Variants in RNF168 observed in about 807,000 individuals in gnomAD.
The protein encoded by RNF168 is ring finger protein 168.
In RNF168, 34 loss-of-function variants were observed where a neutral mutation model predicts 34.9. The observed-to-expected ratio is 0.97, with a 90% CI of 0.74 to 1.30. The LOEUF (loss-of-function observed/expected upper bound fraction) is 1.30. Among genes scored for constraint, RNF168 ranks in the 50% most tolerant of loss-of-function variants. The probability of loss-of-function intolerance (pLI) is 0.00; values close to 1 mark genes in which losing one functional copy is unlikely to be tolerated. For missense variants in RNF168, 725 were observed against 682.5 expected (o/e 1.06, Z -0.69); for synonymous variants, 264 against 254.7 (o/e 1.04, Z -0.35).
chr3:196,501,323 C>A (rs960188347), intron 1 of RNF168, among the ~76,000 whole-genome samples: 1 of 152,092 alleles, frequency 6.6e-6, no homozygotes, highest in Non-Finnish European at 1.5e-5. Flanking sequence ...GTGAAAAAAA[C>A]CAATGTCCAG....
At position 196,488,653 on chromosome 3, in the gene RNF168, C is replaced by G; in HGVS notation, c.332G>C (p.Ser111Thr). The G allele has an allele frequency of 6.2e-7, 1 of 1,608,720 alleles. No homozygotes were observed. Among genetic ancestry groups the G allele is most frequent in the Non-Finnish European group, 8.5e-7 (1 of 1,175,648 alleles). ...TTCTCTTCTCAGTTCCCCAGGTTTACTGAGCAGACGAACTGGCTGATAGTC... is the reference window on the plus strand; with the variant it reads ...TTCTCTTCTCAGTTCCCCAGGTTTAGTGAGCAGACGAACTGGCTGATAGTC... ...ADDYQPVRLL[S>T]KPGELRREYE... is the part of the protein sequence containing the mutation. Residue 111 changes from serine to threonine, a missense_variant, in exon 2 of 6, where the codon AGT (serine) becomes ACT (threonine). Transcript: ENST00000318037.
chr3:196,499,977 T>C (rs1560277546), intron 1 of RNF168, among the ~76,000 whole-genome samples: 1 of 152,206 alleles, frequency 6.6e-6, no homozygotes, highest in Non-Finnish European at 1.5e-5. Context: ...CTCACCAGGA[T>C]GGCTACTATC....
At chr3:196,489,563 G>T (rs1732541680) in intron 1 of RNF168, among the ~76,000 whole-genome samples, 1 of 152,076 alleles carries the variant, frequency 6.6e-6, no homozygotes, top group African/African-American at 2.4e-5. Context: ...CTAATGTCGG[G>T]CAATCTGCTC....
At chr3:196,476,175 T>A (rs1159357138) in intron 4 of RNF168, among the ~76,000 whole-genome samples, 1 of 152,006 alleles carries the variant, frequency 6.6e-6, no homozygotes, top group Admixed American at 6.6e-5. Context: ...ATTTCTTAAT[T>A]CTTGAAAAAA....
Position 196,502,988 on chromosome 3 carries a change from A to G in RNF168, c.186T>C (p.Thr62=), listed in dbSNP as rs372036590. The change falls in exon 1 of 6, where the codon ACT becomes ACC. Residue 62 remains threonine (T), a synonymous_variant. Coordinates refer to ENST00000318037, the MANE Select transcript of RNF168 (RefSeq NM_152617.4). The stretch of plus-strand genomic sequence containing the variant: ...GAGAATTTCTTCGGGTATGGTACCG[A>G]GTCCACGACGATACCCGGCGGCGAC... ...PFCRRRVSSW[T]RYHTRRNSLV... 6.2e-7 allele frequency: 1 copy of G among 1,613,930 alleles called. No individual in the cohort carries two copies. The highest frequency in any genetic ancestry group is 8.5e-7 in the Non-Finnish European group (1 of 1,179,966).
intron 3 of RNF168, among the ~76,000 whole-genome samples, chr3:196,486,974 G>C (rs569074211): frequency 2.6e-5 from 4 of 152,164 alleles, no homozygotes; most frequent in South Asian, 2.1e-4. Flanking sequence ...AAGGATCACC[G>C]GAGCCCGGCC....
At chr3:196,475,195 C>A (rs370841080) in intron 5 of RNF168, 36 bp downstream of exon 5, 1 of 1,180,542 alleles carries the variant, frequency 8.5e-7, no homozygotes, top group Non-Finnish European at 1.3e-6. Flanking sequence ...CATTAATGAA[C>A]CAGCAAAACT....
intron 4 of RNF168, among the ~76,000 whole-genome samples, chr3:196,477,318 TAG>T (rs1334270720): frequency 6.6e-6 from 1 of 152,110 alleles, no homozygotes; most frequent in African/African-American, 2.4e-5. Flanking sequence ...CTTTTAGAAT[TAG>T]AGAAAAAAAG....
At chr3:196,502,365 T>C (rs1327773059) in intron 1 of RNF168, among the ~76,000 whole-genome samples, 1 of 152,068 alleles carries the variant, frequency 6.6e-6, no homozygotes, top group Non-Finnish European at 1.5e-5. Context: ...GGCGGGCGGA[T>C]CCCTTGAGGT....
chr3:196,502,054 G>GAAA lies in RNF168; in HGVS notation c.301+816_301+818dup, dbSNP rs554041803. 2.6e-4 allele frequency among the ~76,000 whole-genome samples: 13 copies of GAAA among 50,048 alleles called. 1 individual carries two copies. The highest frequency in any genetic ancestry group is 4.2e-4 in the African/African-American group (6 of 14,406). 32.8% of individuals were successfully genotyped at this position (50,048 alleles called of 152,430 possible). On this transcript the variant is annotated intron_variant, in intron 1 of 5. Coordinates refer to ENST00000318037, the MANE Select transcript of RNF168 (RefSeq NM_152617.4). ...ATATAACTGTGACCAAAAAAAATTAGAAAAAAAAAAAAAAAAAAAAAAAAA... is the reference window on the plus strand; with the variant it reads ...ATATAACTGTGACCAAAAAAAATTAGAAAAAAAAAAAAAAAAAAAAAAAAAAAA...
intron 3 of RNF168, among the ~76,000 whole-genome samples, chr3:196,485,962 G>C (rs1357915408): frequency 6.6e-6 from 1 of 152,096 alleles, no homozygotes; most frequent in Non-Finnish European, 1.5e-5. Flanking sequence ...TGACTTAATA[G>C]ATTTGGAGTA....
At chr3:196,482,002 G>C (rs1732305514) in intron 4 of RNF168, among the ~76,000 whole-genome samples, 1 of 136,978 alleles carries the variant, frequency 7.3e-6, no homozygotes, top group Non-Finnish European at 1.5e-5. Context: ...ATCTTGCTAT[G>C]CTGTCCAAGC....
chr3:196,503,408 C>A lies in RNF168; in HGVS notation c.-235G>T, dbSNP rs116471030. 25,480 of 557,606 alleles carry A rather than the reference C, an allele frequency of 0.046. 791 individuals carry two copies. Among genetic ancestry groups the A allele is most frequent in the Non-Finnish European group, 0.063 (19,589 of 310,436 alleles). The allele number at this position is 557,606 out of a possible 1,614,324, so 34.5% of individuals were successfully genotyped here. ...CGTCTTTGTCCATTTTCAAGGCAAA[C>A]GTCCCGCCAGCAAATAAATGCAGGT... On this transcript the variant is annotated 5_prime_UTR_variant, in exon 1 of 6. Coordinates refer to ENST00000318037, the MANE Select transcript of RNF168 (RefSeq NM_152617.4).
chr3:196,492,230 G>A (rs1379551198), intron 1 of RNF168, among the ~76,000 whole-genome samples: 1 of 152,172 alleles, frequency 6.6e-6, no homozygotes, highest in Non-Finnish European at 1.5e-5. Context: ...TGGGCACAGT[G>A]GCTCATGCCT....
At chr3:196,492,177 A>G (rs985138583) in intron 1 of RNF168, among the ~76,000 whole-genome samples, 2 of 152,150 alleles carry the variant, frequency 1.3e-5, no homozygotes, top group African/African-American at 4.8e-5. Flanking sequence ...AAAAAAGTAA[A>G]TCACTTTACA....
At chr3:196,476,376 G>A (rs181859395) in intron 4 of RNF168, among the ~76,000 whole-genome samples, 14 of 151,300 alleles carry the variant, frequency 9.3e-5, no homozygotes, top group South Asian at 6.3e-4. Flanking sequence ...TACTATTCTG[G>A]TATAGAGATG....
chr3:196,499,423 A>G (rs1371310249), intron 1 of RNF168, among the ~76,000 whole-genome samples: 1 of 152,230 alleles, frequency 6.6e-6, no homozygotes, highest in African/African-American at 2.4e-5. Context: ...GAGGGAGAAT[A>G]AATTTCTGCT....
chr3:196,471,212 A>T lies in RNF168; in HGVS notation c.*607T>A, dbSNP rs1475918588. The T allele has an allele frequency of 1.3e-4, 18 of 141,252 alleles. No individual in the cohort carries two copies. The highest frequency in any genetic ancestry group is 5.2e-4 in the African/African-American group (18 of 34,708). 8.7% of individuals were successfully genotyped at this position (141,252 alleles called of 1,614,324 possible). On this transcript the variant is annotated 3_prime_UTR_variant, in exon 6 of 6. Coordinates refer to ENST00000318037, the MANE Select transcript of RNF168 (RefSeq NM_152617.4). ...CTCTGTCTCCAAAAAAAAAAAAAAA[A>T]AAAAAAAAAAAAAAAAATCTGGGAT...
chr3:196,475,207 A>C, intron 5 of RNF168, 24 bp downstream of exon 5: 1 of 1,352,012 alleles, frequency 7.4e-7, no homozygotes, highest in Non-Finnish European at 1.1e-6. Flanking sequence ...AGCAAAACTC[A>C]GAACATCTTC....
Sources: allele counts gnomAD v4.1 joint callset (sites outside exome capture counted in the v4.1 genomes callset), GRCh38; gene constraint gnomAD v4.1.1; transcripts MANE v1.5; gene names NCBI Gene and HGNC (gene_info 2026-07-23, HGNC 2026-07-21).